Variants in GABRA2 observed in about 807,000 individuals in gnomAD.
The protein encoded by GABRA2 is gamma-aminobutyric acid type A receptor subunit alpha2.
GABRA2 carries 16 observed loss-of-function variants against 48.7 expected under a neutral mutation model. The observed-to-expected ratio is 0.33, with a 90% CI of 0.22 to 0.50. GABRA2 has a LOEUF of 0.50. Ranked by LOEUF, GABRA2 falls within the 20% of genes least tolerant of loss-of-function variation. The pLI is 0.98. For synonymous variants in GABRA2, 185 were observed against 184.5 expected, an observed-to-expected ratio of 1.00 and a Z score of -0.02; for missense variants, 275 against 535.6, an observed-to-expected ratio of 0.51 and a Z score of 4.80.
At chr4:46,260,560 TTA>T (rs1479478422) in intron 9 of GABRA2, among the ~76,000 whole-genome samples, 1 of 151,912 alleles carries the variant, frequency 6.6e-6, no homozygotes, top group African/African-American at 2.4e-5. Flanking sequence ...CACAAAATGT[TTA>T]TCTTTTGTGA....
At chr4:46,377,263 C>T (rs1474685751) in intron 3 of GABRA2, among the ~76,000 whole-genome samples, 4 of 150,476 alleles carry the variant, frequency 2.7e-5, no homozygotes, top group African/African-American at 2.4e-5. Flanking sequence ...CATCTCTGCC[C>T]GGCCGCCATC....
Position 46,255,449 on chromosome 4 carries a change from A to T in GABRA2, c.1060-4845T>A, listed in dbSNP as rs534037110. Among the ~76,000 whole-genome samples the T allele has an allele frequency of 1.3e-4, 19 of 151,482 alleles. No individual in the cohort carries two copies. In the South Asian group the frequency reaches 1.9e-3, roughly 15 times the overall value. ...GGAAATAATTAAACAGGCTAAATTTAAAAAAATCAAAGCTTGTGGAAGCTG... is the reference window on the plus strand; with the variant it reads ...GGAAATAATTAAACAGGCTAAATTTTAAAAAATCAAAGCTTGTGGAAGCTG... On this transcript the variant is annotated intron_variant, in intron 9 of 9. Transcript: ENST00000381620.
rs967782219 is a variant in GABRA2 at position 46,244,767 on chromosome 4, T to G, written c.*5541A>C. ...ATTTTTAATACGTGATCATTACTTG[T>G]GAACCAAAAAAGAAAACTGCAATAT... On this transcript the variant is annotated 3_prime_UTR_variant, in exon 10 of 10. Coordinates refer to ENST00000381620, the MANE Select transcript of GABRA2 (RefSeq NM_000807.4). Among the ~76,000 whole-genome samples the G allele has an allele frequency of 1.1e-4, 17 of 151,622 alleles. No individual in the cohort carries two copies. The highest frequency in any genetic ancestry group is 3.4e-4 in the African/African-American group (14 of 41,512).
intron 3 of GABRA2, among the ~76,000 whole-genome samples, chr4:46,347,563 C>T (rs1371439612): frequency 6.6e-6 from 1 of 151,818 alleles, no homozygotes; most frequent in Non-Finnish European, 1.5e-5. Flanking sequence ...AAATTGGACC[C>T]TTATCTTATC....
intron 9 of GABRA2, among the ~76,000 whole-genome samples, chr4:46,252,620 T>C (rs1343973044): frequency 6.6e-6 from 1 of 151,526 alleles, no homozygotes; most frequent in African/African-American, 2.4e-5. Flanking sequence ...TGATTTTTGG[T>C]CTGAGGAAGC....
At chr4:46,359,103 A>G (rs1712701866) in intron 3 of GABRA2, among the ~76,000 whole-genome samples, 1 of 152,200 alleles carries the variant, frequency 6.6e-6, no homozygotes, top group Non-Finnish European at 1.5e-5. Context: ...TCATAAAGAT[A>G]GTAAGCAGCA....
Position 46,247,598 on chromosome 4 carries a change from T to G in GABRA2, c.*2710A>C, listed in dbSNP as rs1466301152. 6.6e-6 allele frequency among the ~76,000 whole-genome samples: 1 copy of G among 151,290 alleles called. No homozygotes were observed. The highest frequency in any genetic ancestry group is 2.4e-5 in the African/African-American group (1 of 41,352). On this transcript the variant is annotated 3_prime_UTR_variant, in exon 10 of 10. Transcript: ENST00000381620. The stretch of plus-strand genomic sequence containing the variant: ...TACATTTTGTACATACCATAACTCT[T>G]TATGTCATTGTACAACTGCATAAAA...
chr4:46,268,146 A>AT (rs1163195157), intron 8 of GABRA2, among the ~76,000 whole-genome samples: 2 of 151,974 alleles, frequency 1.3e-5, no homozygotes, highest in Non-Finnish European at 2.9e-5. Flanking sequence ...TCGGGTAATG[A>AT]TTTTTTAGGT....
chr4:46,363,068 C>A (rs915313976), intron 3 of GABRA2, among the ~76,000 whole-genome samples: 1 of 152,110 alleles, frequency 6.6e-6, no homozygotes, highest in African/African-American at 2.4e-5. Context: ...ATTTTTCTTT[C>A]TCTAACTTCA....
chr4:46,280,930 T>C (rs1050585115), intron 8 of GABRA2, among the ~76,000 whole-genome samples: 5 of 152,196 alleles, frequency 3.3e-5, no homozygotes, highest in Non-Finnish European at 5.9e-5. Flanking sequence ...GGTGACCATC[T>C]ATAAGCTGGA....
chr4:46,269,032 C>T (rs1718795227), intron 8 of GABRA2, among the ~76,000 whole-genome samples: 1 of 151,764 alleles, frequency 6.6e-6, no homozygotes. Flanking sequence ...TCACTAGAGG[C>T]TGTGAGGTCA....
chr4:46,266,972 C>A (rs150575801), intron 8 of GABRA2, among the ~76,000 whole-genome samples: 1 of 152,004 alleles, frequency 6.6e-6, no homozygotes, highest in Non-Finnish European at 1.5e-5. Flanking sequence ...GATCCACCAT[C>A]CTCGGCCTCC....
intron 3 of GABRA2, among the ~76,000 whole-genome samples, chr4:46,383,236 A>T (rs901827672): frequency 6.6e-5 from 10 of 152,164 alleles, no homozygotes; most frequent in Admixed American, 6.5e-5. Context: ...GTCATTAGAA[A>T]TCCTGTTTCA....
At chr4:46,256,788 T>C (rs1188645522) in intron 9 of GABRA2, among the ~76,000 whole-genome samples, 1 of 151,720 alleles carries the variant, frequency 6.6e-6, no homozygotes, top group Non-Finnish European at 1.5e-5. Context: ...CAGGATGTTA[T>C]AAATGCAAAT....
intron 3 of GABRA2, chr4:46,366,842 G>A (rs1714116249): frequency 6.6e-6 from 1 of 152,046 alleles, no homozygotes; most frequent in Non-Finnish European, 1.5e-5. Context: ...AAAATACAGA[G>A]ACATTTTAGG....
At chr4:46,272,229 G>A (rs540363) in intron 8 of GABRA2, among the ~76,000 whole-genome samples, 75,993 of 151,478 alleles carry the variant, frequency 0.5, 20,344 homozygotes, top group South Asian at 0.76. Flanking sequence ...TTGTTATTTG[G>A]CACAACTGTA....
rs144396467 is a variant in GABRA2, at chr4:46,328,118, C to T, written c.255+4497G>A. Among the ~76,000 whole-genome samples the T allele has an allele frequency of 3.8e-3, 576 of 152,004 alleles. 1 individual carries two copies. The highest frequency in any genetic ancestry group is 0.014 in the Middle Eastern group (4 of 294). On this transcript the variant is annotated intron_variant, in intron 4 of 9. Coordinates refer to ENST00000381620, the MANE Select transcript of GABRA2 (RefSeq NM_000807.4). Reference sequence around the variant, plus strand: ...TACTACAAACTTGGTCAATTGTGAGCTACTAATACATTTCAAAAATTAATT... The same window carrying T: ...TACTACAAACTTGGTCAATTGTGAGTTACTAATACATTTCAAAAATTAATT...
rs1295684376 is a variant in GABRA2, at chr4:46,244,533, C to T, written c.*5775G>A. 1.3e-5 allele frequency among the ~76,000 whole-genome samples: 2 copies of T among 151,400 alleles called. No homozygotes were observed. The highest frequency in any genetic ancestry group is 4.8e-5 in the African/African-American group (2 of 41,352). On this transcript the variant is annotated 3_prime_UTR_variant, in exon 10 of 10. Coordinates refer to ENST00000381620, the MANE Select transcript of GABRA2 (RefSeq NM_000807.4). Reference sequence around the variant, plus strand: ...TCCCACCGGTGGCATCCCTTGGGATCAATTCAGGCGTCATTCTATAAACGG... The same window carrying T: ...TCCCACCGGTGGCATCCCTTGGGATTAATTCAGGCGTCATTCTATAAACGG...
intron 4 of GABRA2, among the ~76,000 whole-genome samples, chr4:46,317,696 A>C (rs1356997926): frequency 2.0e-5 from 3 of 151,748 alleles, no homozygotes; most frequent in Non-Finnish European, 4.4e-5. Flanking sequence ...GAAAGTGGGA[A>C]ACAAGAAAAA....
Sources: allele counts gnomAD v4.1 joint callset (sites outside exome capture counted in the v4.1 genomes callset), GRCh38; gene constraint gnomAD v4.1.1; transcripts MANE v1.5; gene names NCBI Gene and HGNC (gene_info 2026-07-23, HGNC 2026-07-21).